Variants in CADPS2 observed in about 807,000 individuals in gnomAD.
CADPS2 encodes the protein calcium-dependent secretion activator 2.
In CADPS2, 93 loss-of-function variants were observed where a neutral mutation model predicts 172.5. The observed-to-expected ratio is 0.54, with a 90% CI of 0.46 to 0.64. The LOEUF (loss-of-function observed/expected upper bound fraction) is 0.64. Among genes scored for constraint, CADPS2 ranks in the 30% least tolerant of loss-of-function variants. The probability of loss-of-function intolerance (pLI) is 0.00; values close to 1 mark genes in which losing one functional copy is unlikely to be tolerated. For missense variants in CADPS2, 1,420 were observed against 1,565.9 expected (o/e 0.91, Z 1.57); for synonymous variants, 546 against 555.2 (o/e 0.98, Z 0.23).
At chr7:122,746,388 A>T (rs1562923881) in intron 1 of CADPS2, among the ~76,000 whole-genome samples, 1 of 152,142 alleles carries the variant, frequency 6.6e-6, no homozygotes, top group East Asian at 1.9e-4. Context: ...ATAAAAAAAT[A>T]CCTGCCAACC....
At chr7:122,667,951 G>C (rs1476010005) in intron 2 of CADPS2, among the ~76,000 whole-genome samples, 1 of 152,126 alleles carries the variant, frequency 6.6e-6, no homozygotes, top group Non-Finnish European at 1.5e-5. Context: ...GAGGACTCTG[G>C]GCTGTATCTG....
intron 22 of CADPS2, among the ~76,000 whole-genome samples, chr7:122,392,400 T>A (rs1376314753): frequency 6.6e-6 from 1 of 151,086 alleles, no homozygotes; most frequent in South Asian, 2.1e-4. Context: ...TTTTTTTTTT[T>A]TAAATCATCA....
At chr7:122,635,986 G>A (rs2077034268) in intron 3 of CADPS2, among the ~76,000 whole-genome samples, 1 of 152,038 alleles carries the variant, frequency 6.6e-6, no homozygotes, top group South Asian at 2.1e-4. Flanking sequence ...TGAGCCTGTG[G>A]TGTCATTACA....
intron 8 of CADPS2, among the ~76,000 whole-genome samples, chr7:122,533,779 T>C (rs947551043): frequency 6.6e-6 from 1 of 152,150 alleles, no homozygotes; most frequent in Non-Finnish European, 1.5e-5. Context: ...TGGCTGGAAG[T>C]GTTTCACAAT....
At chr7:122,772,117 T>A (rs2093722895) in intron 1 of CADPS2, among the ~76,000 whole-genome samples, 1 of 152,114 alleles carries the variant, frequency 6.6e-6, no homozygotes, top group African/African-American at 2.4e-5. Context: ...TAGAATTCAG[T>A]GGGAATGTTA....
intron 1 of CADPS2, among the ~76,000 whole-genome samples, chr7:122,779,550 G>A (rs1162554504): frequency 6.6e-6 from 1 of 152,180 alleles, no homozygotes; most frequent in Non-Finnish European, 1.5e-5. Flanking sequence ...TCTGCCCAGA[G>A]TGGACAAGAA....
intron 15 of CADPS2, among the ~76,000 whole-genome samples, chr7:122,444,781 C>T (rs10231359): frequency 0.025 from 3,858 of 152,194 alleles, 163 homozygotes; most frequent in African/African-American, 0.088. Context: ...TTTGGAAGAT[C>T]GAAAGTTCTC....
chr7:122,820,912 A>C (rs1193891223), intron 1 of CADPS2, among the ~76,000 whole-genome samples: 1 of 143,770 alleles, frequency 7.0e-6, no homozygotes, highest in African/African-American at 2.6e-5. Context: ...CTGCCACTGC[A>C]TTAATACTTT....
At chr7:122,605,998 G>A (rs919213440) in intron 6 of CADPS2, among the ~76,000 whole-genome samples, 7 of 152,078 alleles carry the variant, frequency 4.6e-5, no homozygotes. Context: ...AAACCACACA[G>A]TGATTAATAA....
rs558825279 is a variant in CADPS2 at position 122,441,800 on chromosome 7, A to G, written c.2289-225T>C. Among the ~76,000 whole-genome samples the G allele has an allele frequency of 1.3e-3, 200 of 152,332 alleles. No individual in the cohort carries two copies. The Middle Eastern group carries it at 0.014, about 10-fold the overall frequency. On this transcript the variant is annotated intron_variant, in intron 15 of 29. Transcript: ENST00000449022. ...ATAAGCTGTGATGAAAAAGGTTTTA[A>G]ACGTTTTGATGATACTTGTTTTAAA...
intron 15 of CADPS2, among the ~76,000 whole-genome samples, chr7:122,443,095 C>T (rs2051593338): frequency 6.6e-6 from 1 of 152,116 alleles, no homozygotes. Context: ...ATTGTCTTCC[C>T]TATTGTTTAT....
rs536901728 is a variant in CADPS2 at position 122,839,260 on chromosome 7, C to T, written c.339+46739G>A. Among the ~76,000 whole-genome samples, 432 of 152,246 alleles carry T rather than the reference C, an allele frequency of 2.8e-3. 2 individuals are homozygous for T. The highest frequency in any genetic ancestry group is 0.01 in the African/African-American group (417 of 41,526). On this transcript the variant is annotated intron_variant, in intron 1 of 29. Transcript: ENST00000449022. ...GCTGAAACTGGATCCCTTCCTTACA[C>T]CTTATACAAAAATTAATTCAAGATG...
intron 8 of CADPS2, among the ~76,000 whole-genome samples, chr7:122,531,229 G>A (rs563108550): frequency 6.8e-4 from 104 of 152,362 alleles, no homozygotes; most frequent in Non-Finnish European, 1.2e-3. Context: ...TTTAACTGCA[G>A]AGAGCGTCAA....
chr7:122,401,150 T>C (rs1486538869), intron 20 of CADPS2, among the ~76,000 whole-genome samples: 1 of 152,224 alleles, frequency 6.6e-6, no homozygotes, highest in Non-Finnish European at 1.5e-5. Context: ...TTTCGATTTT[T>C]ATGAGCCCAT....
At chr7:122,665,256 A>G (rs749186773) in intron 2 of CADPS2, among the ~76,000 whole-genome samples, 9 of 152,204 alleles carry the variant, frequency 5.9e-5, no homozygotes, top group Non-Finnish European at 1.2e-4. Context: ...TGGGGCTGGC[A>G]TGCTCAACCA....
intron 2 of CADPS2, chr7:122,701,704 T>C (rs1042065381): frequency 1.9e-6 from 1 of 523,176 alleles, no homozygotes; most frequent in Admixed American, 3.6e-5. Flanking sequence ...AAAACACAAA[T>C]TTCACCCTTG....
chr7:122,751,195 T>C (rs1344509730), intron 1 of CADPS2, among the ~76,000 whole-genome samples: 1 of 152,122 alleles, frequency 6.6e-6, no homozygotes, highest in Non-Finnish European at 1.5e-5. Context: ...CCCAGGCTGT[T>C]CTCAAACTCC....
intron 9 of CADPS2, among the ~76,000 whole-genome samples, chr7:122,491,910 C>G (rs28416120): frequency 0.012 from 1,776 of 152,244 alleles, 36 homozygotes; most frequent in African/African-American, 0.041. Flanking sequence ...AAAGATCTCA[C>G]GCCTGTAATC....
intron 27 of CADPS2, 149 bp downstream of exon 27, chr7:122,360,639 G>A (rs2040002980): frequency 3.0e-6 from 2 of 674,054 alleles, no homozygotes; most frequent in Non-Finnish European, 5.1e-6. Flanking sequence ...GCTATGTCTT[G>A]TTATGAAGGT....
Sources: gnomAD v4.1 joint callset for allele counts (sites outside exome capture counted in the v4.1 genomes callset) on GRCh38, gnomAD v4.1.1 for gene constraint, MANE v1.5 for transcripts, NCBI Gene and HGNC (gene_info 2026-07-23, HGNC 2026-07-21) for gene names.